The following USP48 variants were observed in gnomAD, a reference collection of about 807,000 sequenced individuals.
The protein encoded by USP48 is ubiquitin carboxyl-terminal hydrolase 48.
Under a neutral mutation model 150.7 loss-of-function variants are expected in USP48, and 43 were observed. The observed-to-expected ratio is 0.29, with a 90% CI of 0.22 to 0.37. The LOEUF is 0.37. USP48 is among the 10% of genes least tolerant of loss of function. The pLI is 1.00. For missense variants in USP48, 813 were observed against 1,249.6 expected (o/e 0.65, Z 5.27); for synonymous variants, 396 against 425.9 (o/e 0.93, Z 0.86).
intron 9 of USP48, among the ~76,000 whole-genome samples, chr1:21,731,600 G>A (rs2097757024): frequency 6.6e-6 from 1 of 150,826 alleles, no homozygotes; most frequent in Non-Finnish European, 1.5e-5. Flanking sequence ...AATGAAATGG[G>A]CCAGGTGCGG....
intron 25 of USP48, among the ~76,000 whole-genome samples, chr1:21,683,904 A>T (rs368796076): frequency 6.6e-6 from 1 of 152,276 alleles, no homozygotes; most frequent in African/African-American, 2.4e-5. Context: ...AGCCTGGCTT[A>T]TTTCACTTAA....
intron 1 of USP48, among the ~76,000 whole-genome samples, chr1:21,759,030 A>G (rs546340942): frequency 6.6e-6 from 1 of 152,066 alleles, no homozygotes; most frequent in Admixed American, 6.5e-5. Context: ...AAAATTAGCC[A>G]GGTGTGGTGG....
intron 14 of USP48, among the ~76,000 whole-genome samples, chr1:21,719,604 A>G (rs1571847737): frequency 6.6e-6 from 1 of 152,290 alleles, no homozygotes; most frequent in East Asian, 1.9e-4. Flanking sequence ...AAAGAAATAA[A>G]AACTGGTCAG....
intron 22 of USP48, among the ~76,000 whole-genome samples, chr1:21,699,193 T>G (rs1474419724): frequency 3.7e-4 from 2 of 5,446 alleles, no homozygotes; most frequent in African/African-American, 2.2e-3. Flanking sequence ...CCACACCTAA[T>G]TTTTTTTTTT....
At chr1:21,776,100 T>C (rs1046677403) in intron 1 of USP48, among the ~76,000 whole-genome samples, 2 of 152,062 alleles carry the variant, frequency 1.3e-5, no homozygotes, top group Non-Finnish European at 1.5e-5. Context: ...TTTAGCAACA[T>C]GGATCAATAT....
At chr1:21,749,020 T>C (rs1272474944) in intron 6 of USP48, among the ~76,000 whole-genome samples, 2 of 152,204 alleles carry the variant, frequency 1.3e-5, no homozygotes, top group East Asian at 3.8e-4. Flanking sequence ...AACATATTCA[T>C]GAGACAAAGC....
chr1:21,778,992 A>T (rs1023796500), intron 1 of USP48, among the ~76,000 whole-genome samples: 2 of 151,968 alleles, frequency 1.3e-5, no homozygotes, highest in Non-Finnish European at 2.9e-5. Flanking sequence ...CACGTTAGCC[A>T]GGATGGTCTC....
intron 1 of USP48, among the ~76,000 whole-genome samples, chr1:21,774,636 G>A (rs959682549): frequency 6.6e-6 from 1 of 151,632 alleles, no homozygotes; most frequent in African/African-American, 2.4e-5. Context: ...GCAGTGAGAC[G>A]AGATTGCACC....
chr1:21,721,200 T>C (rs1356611352), intron 13 of USP48, 34 bp from the exon 14 acceptor site: 2 of 1,610,306 alleles, frequency 1.2e-6, no homozygotes, highest in Non-Finnish European at 1.7e-6. Flanking sequence ...ATCATATAAG[T>C]AATATTTCCA....
At chr1:21,724,374 TAG>T (rs981274359) in intron 11 of USP48, 4 of 582,886 alleles carry the variant, frequency 6.9e-6, no homozygotes, top group South Asian at 4.3e-5. Context: ...GGCATCCACA[TAG>T]AGTCTTGCCG....
chr1:21,713,745 C>T (rs910703716), intron 15 of USP48, among the ~76,000 whole-genome samples: 2 of 152,132 alleles, frequency 1.3e-5, no homozygotes, highest in African/African-American at 4.8e-5. Context: ...GGCTATTCAC[C>T]CAAACTTCCT....
intron 1 of USP48, among the ~76,000 whole-genome samples, chr1:21,782,565 GC>G (rs1233856675): frequency 6.6e-6 from 1 of 152,222 alleles, no homozygotes; most frequent in African/African-American, 2.4e-5. Context: ...CTCAGCTCCT[GC>G]CTTCATCTCC....
intron 25 of USP48, among the ~76,000 whole-genome samples, chr1:21,685,471 C>T (rs1164270082): frequency 2.0e-5 from 3 of 151,922 alleles, no homozygotes; most frequent in African/African-American, 7.3e-5. Context: ...TGCGCTACTA[C>T]GCCTGGTTAA....
At chr1:21,769,445 C>T (rs532667793) in intron 1 of USP48, among the ~76,000 whole-genome samples, 62 of 151,688 alleles carry the variant, frequency 4.1e-4, no homozygotes, top group Non-Finnish European at 6.9e-4. Flanking sequence ...GGCAGGGTCT[C>T]GCTGTCACCC....
chr1:21,765,310 G>C (rs1198933259), intron 1 of USP48, among the ~76,000 whole-genome samples: 1 of 152,180 alleles, frequency 6.6e-6, no homozygotes, highest in East Asian at 1.9e-4. Context: ...GACACACTTT[G>C]GCAGCAGTAA....
At chr1:21,699,008 G>A (rs1029791524) in intron 22 of USP48, among the ~76,000 whole-genome samples, 30 of 152,130 alleles carry the variant, frequency 2.0e-4, no homozygotes, top group South Asian at 1.9e-3. Flanking sequence ...GTCCTGAATC[G>A]GGATGGATAT....
At chr1:21,753,380 C>T (rs2097821961) in intron 3 of USP48, among the ~76,000 whole-genome samples, 1 of 150,818 alleles carries the variant, frequency 6.6e-6, no homozygotes, top group South Asian at 2.1e-4. Flanking sequence ...GGAGAAACCC[C>T]GTCTCCACTA....
intron 21 of USP48, among the ~76,000 whole-genome samples, chr1:21,703,117 C>G (rs1557450521): frequency 2.6e-5 from 4 of 152,230 alleles, no homozygotes. Flanking sequence ...CTAACCTCCA[C>G]TTGACCCTGC....
rs2097666549 is a variant in USP48, at chr1:21,704,535, A to T, written c.2385-143T>A. 50 of 918,156 alleles carry T rather than the reference A, an allele frequency of 5.4e-5. No individual in the cohort carries two copies. The South Asian group carries it at 1.2e-3, about 22-fold the overall frequency. 56.9% of individuals were successfully genotyped at this position (918,156 alleles called of 1,614,324 possible). A position where few individuals can be genotyped will look rare whatever the true frequency, so the allele number is the denominator to read the frequency against. On this transcript the variant is annotated intron_variant, in intron 19 of 26. Transcript: ENST00000308271. The stretch of plus-strand genomic sequence containing the variant: ...GAGAGAAAAGATACGTATCATCAAC[A>T]AAGAATAGTTTTTCATACAAAGGAA...
Sources: gnomAD v4.1 joint callset for allele counts (sites outside exome capture counted in the v4.1 genomes callset) on GRCh38, gnomAD v4.1.1 for gene constraint, MANE v1.5 for transcripts, NCBI Gene and HGNC (gene_info 2026-07-23, HGNC 2026-07-21) for gene names.